TMPRSS7: variants seen among roughly 807,000 people sequenced by gnomAD.
The protein encoded by TMPRSS7 is transmembrane protease serine 7.
TMPRSS7 carries 81 observed loss-of-function variants against 95.6 expected under a neutral mutation model. That is an observed-to-expected ratio of 0.85 (90% CI 0.71 to 1.02). The LOEUF is 1.02. Ranked by LOEUF, TMPRSS7 falls within the 50% of genes least tolerant of loss-of-function variation. The pLI is 0.00. For missense variants in TMPRSS7, 945 were observed against 955.2 expected, an observed-to-expected ratio of 0.99 and a Z score of 0.14; for synonymous variants, 364 against 337.8, an observed-to-expected ratio of 1.08 and a Z score of -0.85.
chr3:112,076,463 G>A (rs1483423414), intron 15 of TMPRSS7, among the ~76,000 whole-genome samples: 1 of 152,146 alleles, frequency 6.6e-6, no homozygotes, highest in African/African-American at 2.4e-5. Context: ...ATCTATCTTG[G>A]TATTCATATC....
At chr3:112,071,315 G>A (rs185063597) in intron 13 of TMPRSS7, among the ~76,000 whole-genome samples, 17 of 152,278 alleles carry the variant, frequency 1.1e-4, no homozygotes, top group Non-Finnish European at 1.9e-4. Context: ...CGAGAGATCC[G>A]CTGTTAGTTT....
chr3:112,073,184 C>T (rs190869339), intron 13 of TMPRSS7, among the ~76,000 whole-genome samples: 78 of 151,820 alleles, frequency 5.1e-4, no homozygotes, highest in African/African-American at 1.6e-3. Flanking sequence ...TTCCACCTCC[C>T]GGGTTCAAGC....
At chr3:112,056,634 T>C (rs1306882016) in intron 9 of TMPRSS7, among the ~76,000 whole-genome samples, 3 of 151,988 alleles carry the variant, frequency 2.0e-5, no homozygotes, top group Non-Finnish European at 4.4e-5. Flanking sequence ...GGCTGATTCA[T>C]TTCTCCTTTA....
intron 12 of TMPRSS7, among the ~76,000 whole-genome samples, chr3:112,065,510 A>C (rs1330739279): frequency 1.3e-5 from 2 of 152,220 alleles, no homozygotes; most frequent in Non-Finnish European, 2.9e-5. Context: ...TTCTCCAAAC[A>C]AAAATGATTA....
intron 4 of TMPRSS7, among the ~76,000 whole-genome samples, chr3:112,045,274 A>G (rs1177910003): frequency 6.6e-6 from 1 of 152,122 alleles, no homozygotes; most frequent in African/African-American, 2.4e-5. Context: ...CAGCCTCCCA[A>G]GTAGCTGTGA....
In TMPRSS7 at chr3:112,047,764, T is replaced by G; in HGVS notation, c.756T>G (p.Tyr252Ter). 1 of 1,613,798 alleles carries G rather than the reference T, an allele frequency of 6.2e-7. No individual in the cohort carries two copies. Among genetic ancestry groups the G allele is most frequent in the Non-Finnish European group, 8.5e-7 (1 of 1,179,696 alleles). ...ACAAAGGCTGCTCTCAGTACTTCTA[T>G]GCAGAGCATCTGTCTCTCCACTACC... Residue 252 changes from tyrosine to a stop codon, truncating the protein, a stop_gained, in exon 7 of 18, where the codon TAT (tyrosine) becomes TAG (stop). Coordinates refer to ENST00000452346, the Ensembl canonical transcript of TMPRSS7. LOFTEE classifies it high-confidence loss of function.
In TMPRSS7 at chr3:112,065,014, A is replaced by C. The variant is rs145166872; in HGVS notation, c.1556-1378A>C. Among the ~76,000 whole-genome samples, 1,259 of 152,298 alleles carry C rather than the reference A, an allele frequency of 8.3e-3. 18 individuals are homozygous for C. The highest frequency in any genetic ancestry group is 0.029 in the African/African-American group (1,189 of 41,562). ...ATATCTAACAGTGAAAATTATATTA[A>C]TAAAAAATAACCTGTGACTATATAC... On this transcript the variant is annotated intron_variant, in intron 12 of 17. Coordinates refer to ENST00000452346, the Ensembl canonical transcript of TMPRSS7.
intron 3 of TMPRSS7, among the ~76,000 whole-genome samples, chr3:112,042,270 G>C (rs1395335419): frequency 6.6e-6 from 1 of 151,938 alleles, no homozygotes; most frequent in Non-Finnish European, 1.5e-5. Context: ...GTAAAAAAAA[G>C]AATGGCTCTC....
chr3:112,079,547 G>A (rs1001342923), intron 17 of TMPRSS7, among the ~76,000 whole-genome samples: 5 of 151,972 alleles, frequency 3.3e-5, no homozygotes, highest in African/African-American at 1.2e-4. Context: ...ATTTTTTTTA[G>A]CTCATTAGTT....
chr3:112,057,613 G>C (rs1370717616), intron 10 of TMPRSS7, among the ~76,000 whole-genome samples: 1 of 152,116 alleles, frequency 6.6e-6, no homozygotes, highest in Admixed American at 6.5e-5. Context: ...CAATGTACTA[G>C]GTGCTCACTC....
exon 16 of TMPRSS7, chr3:112,077,021 A>G (rs780464723): frequency 6.2e-7 from 1 of 1,614,206 alleles, no homozygotes; most frequent in East Asian, 2.2e-5. Flanking sequence ...GCTACAGCTC[A>G]GTATTGCCTG....
At chr3:112,053,184 T>TAA (rs62899560) in intron 9 of TMPRSS7, among the ~76,000 whole-genome samples, 2,690 of 147,940 alleles carry the variant, frequency 0.018, 58 homozygotes, top group African/African-American at 0.054. Context: ...TTGAATTTAT[T>TAA]AAAAAAAAAA....
At chr3:112,042,971 G>C in intron 3 of TMPRSS7, 1 of 455,702 alleles carries the variant, frequency 2.2e-6, no homozygotes, top group Non-Finnish European at 4.4e-6. Context: ...ATGACTGGCT[G>C]TGTAGAATGA....
Position 112,047,102 on chromosome 3 carries a change from G to T in TMPRSS7, c.730+90G>T. 3 of 680,816 alleles carry T rather than the reference G, an allele frequency of 4.4e-6. No individual in the cohort carries two copies. In the Admixed American group the frequency reaches 6.6e-5, roughly 15 times the overall value. 42.2% of individuals were successfully genotyped at this position (680,816 alleles called of 1,614,324 possible). On this transcript the variant is annotated intron_variant, in intron 6 of 17. Transcript: ENST00000452346. The stretch of plus-strand genomic sequence containing the variant: ...TTTCTAATTGATGGTATTTGTTAGT[G>T]CTCTTTTAATTGCAAGTGACAGAAA...
At position 112,078,512 on chromosome 3, in the gene TMPRSS7, T is replaced by G. The variant is rs540767247; in HGVS notation, c.2225-230T>G. On this transcript the variant is annotated intron_variant, in intron 16 of 17. Transcript: ENST00000452346. ...TTGTTCAAGTAATTGAGTCAGACCT[T>G]GGGTCTGAATCTTGTGTTACTTGCT... 8.5e-5 allele frequency among the ~76,000 whole-genome samples: 13 copies of G among 152,258 alleles called. No individual in the cohort carries two copies. The South Asian group carries it at 2.7e-3, about 32-fold the overall frequency.
chr3:112,063,397 A>G, intron 11 of TMPRSS7, 128 bp from the exon 12 acceptor site: 4 of 685,458 alleles, frequency 5.8e-6, no homozygotes, highest in Admixed American at 2.4e-5. Flanking sequence ...TGATGAAGAC[A>G]CTATGTAATT....
chr3:112,049,191 A>G (rs1278399148), intron 7 of TMPRSS7, among the ~76,000 whole-genome samples: 8 of 152,102 alleles, frequency 5.3e-5, no homozygotes, highest in Non-Finnish European at 1.2e-4. Context: ...CCCTTCATCG[A>G]GATAAGGGGT....
chr3:112,060,802 C>A (rs1420098295), intron 10 of TMPRSS7, among the ~76,000 whole-genome samples: 1 of 152,118 alleles, frequency 6.6e-6, no homozygotes, highest in Non-Finnish European at 1.5e-5. Context: ...AAAGTAAAGA[C>A]AGGTGTAGGA....
chr3:112,068,710 A>C (rs1559961924), intron 13 of TMPRSS7, among the ~76,000 whole-genome samples: 1 of 152,188 alleles, frequency 6.6e-6, no homozygotes, highest in Non-Finnish European at 1.5e-5. Flanking sequence ...TATCAGCTTA[A>C]GGAGATTTTG....
Sources: allele counts gnomAD v4.1 joint callset (sites outside exome capture counted in the v4.1 genomes callset), GRCh38; gene constraint gnomAD v4.1.1; transcripts MANE v1.5; gene names NCBI Gene and HGNC (gene_info 2026-07-23, HGNC 2026-07-21).